SCOC: variants seen among roughly 807,000 people sequenced by gnomAD.
SCOC encodes short coiled coil protein.
Under a neutral mutation model 9.9 loss-of-function variants are expected in SCOC, and 7 were observed. The ratio of observed to expected loss-of-function variants is 0.71; its 90% CI spans 0.40 to 1.33. SCOC has a LOEUF of 1.33. Ranked by LOEUF, SCOC falls within the 40% of genes most tolerant of loss-of-function variation. The probability of loss-of-function intolerance (pLI) is 0.01; values close to 1 mark genes in which losing one functional copy is unlikely to be tolerated. For synonymous variants in SCOC, 19 were observed against 28.2 expected, an observed-to-expected ratio of 0.67 and a Z score of 1.03; for missense variants, 66 against 89.7, an observed-to-expected ratio of 0.74 and a Z score of 1.07.
intron 2 of SCOC, among the ~76,000 whole-genome samples, chr4:140,357,073 G>A (rs540614747): frequency 5.9e-4 from 90 of 152,206 alleles, no homozygotes; most frequent in African/African-American, 2.1e-3. Flanking sequence ...AGGTTCAAGC[G>A]ATTTTCCTGC....
chr4:140,337,077 A>T (rs1732977747), intron 1 of SCOC, among the ~76,000 whole-genome samples: 1 of 152,178 alleles, frequency 6.6e-6, no homozygotes, highest in Non-Finnish European at 1.5e-5. Flanking sequence ...GTGCATTTTT[A>T]AAAATTGTGT....
At chr4:140,345,158 GT>G (rs764743177) in intron 2 of SCOC, among the ~76,000 whole-genome samples, 1 of 152,310 alleles carries the variant, frequency 6.6e-6, no homozygotes, top group Admixed American at 6.5e-5. Context: ...GCCTGGACGT[GT>G]GGGCATGGGC....
At chr4:140,287,832 A>C (rs74197801) in intron 1 of SCOC, among the ~76,000 whole-genome samples, 11,851 of 152,090 alleles carry the variant, frequency 0.078, 737 homozygotes, top group East Asian at 0.28. Context: ...ATAGACACAC[A>C]CTATGCACAT....
intron 1 of SCOC, among the ~76,000 whole-genome samples, chr4:140,318,106 G>C (rs1449473532): frequency 3.3e-5 from 5 of 151,672 alleles, no homozygotes; most frequent in South Asian, 4.2e-4. Flanking sequence ...TTAAACGTTA[G>C]ACCTAAAACC....
intron 1 of SCOC, among the ~76,000 whole-genome samples, chr4:140,261,878 A>G (rs766264873): frequency 2.0e-5 from 3 of 152,130 alleles, no homozygotes; most frequent in Admixed American, 1.3e-4. Flanking sequence ...AGGGCTTGGA[A>G]GGAGGGAAAG....
chr4:140,379,294 A>T, intron 2 of SCOC, 102 bp downstream of exon 2: 1 of 838,296 alleles, frequency 1.2e-6, no homozygotes, highest in Admixed American at 2.0e-5. Context: ...GAAGACTTTG[A>T]TCTTGGCTAA....
chr4:140,269,136 C>T (rs972789430), intron 1 of SCOC, among the ~76,000 whole-genome samples: 3 of 152,148 alleles, frequency 2.0e-5, no homozygotes, highest in African/African-American at 4.8e-5. Context: ...ATTCCCTTCA[C>T]TAGACACAGG....
chr4:140,343,674 C>G (rs371077320), exon 2 of SCOC: 1 of 1,613,494 alleles, frequency 6.2e-7, no homozygotes. Flanking sequence ...AGGAAGACAG[C>G]ACATTCACCA....
chr4:140,317,139 G>A (rs1375573110), intron 1 of SCOC, among the ~76,000 whole-genome samples: 1 of 152,110 alleles, frequency 6.6e-6, no homozygotes, highest in Non-Finnish European at 1.5e-5. Flanking sequence ...CCTAAGACAG[G>A]GGACTCTCTT....
chr4:140,299,986 A>G (rs1425461991), intron 1 of SCOC, among the ~76,000 whole-genome samples: 3 of 152,166 alleles, frequency 2.0e-5, no homozygotes, highest in African/African-American at 7.2e-5. Context: ...GCAAAATCAC[A>G]TCACAGTCTT....
At chr4:140,301,453 CT>C (rs1449625602) in intron 1 of SCOC, among the ~76,000 whole-genome samples, 1 of 152,156 alleles carries the variant, frequency 6.6e-6, no homozygotes, top group Non-Finnish European at 1.5e-5. Flanking sequence ...ATTTCACAAC[CT>C]TTTTATTCAC....
At chr4:140,363,367 G>A (rs1291800631) in intron 2 of SCOC, among the ~76,000 whole-genome samples, 1 of 152,018 alleles carries the variant, frequency 6.6e-6, no homozygotes, top group African/African-American at 2.4e-5. Context: ...TAAATATAAT[G>A]GAAAATTTTT....
At chr4:140,321,669 A>C (rs1732504481) in intron 1 of SCOC, among the ~76,000 whole-genome samples, 1 of 152,246 alleles carries the variant, frequency 6.6e-6, no homozygotes, top group African/African-American at 2.4e-5. Flanking sequence ...GGAAAAAAAT[A>C]GGACAAAATC....
intron 2 of SCOC, among the ~76,000 whole-genome samples, chr4:140,353,566 A>G (rs1466951850): frequency 6.6e-6 from 1 of 152,044 alleles, no homozygotes; most frequent in Admixed American, 6.6e-5. Flanking sequence ...GCACGCCACC[A>G]CGCCCGGCTA....
At chr4:140,380,194 CTTT>C (rs993271002) in intron 3 of SCOC, among the ~76,000 whole-genome samples, 1 of 108,418 alleles carries the variant, frequency 9.2e-6, no homozygotes, top group Non-Finnish European at 1.9e-5. Context: ...TTTTCTTTTT[CTTT>C]TTTTTTTTTT....
chr4:140,259,427 A>G lies in SCOC; in HGVS notation c.-19+2017A>G, dbSNP rs547535330. On this transcript the variant is annotated intron_variant, in intron 1 of 4. Coordinates refer to the SCOC transcript ENST00000394205. ...TACTGCACATATTTTCTCTTCAAAA[A>G]TCGCCCTACAGTTGCCATTGGATTA... Among the ~76,000 whole-genome samples, 11 of 152,352 alleles carry G rather than the reference A, an allele frequency of 7.2e-5. No individual in the cohort carries two copies. In the South Asian group the frequency reaches 2.3e-3, roughly 32 times the overall value.
chr4:140,267,256 A>T (rs1222223216), intron 1 of SCOC, among the ~76,000 whole-genome samples: 1 of 152,142 alleles, frequency 6.6e-6, no homozygotes, highest in East Asian at 1.9e-4. Context: ...GATGCTGGAG[A>T]TTTGATGGGA....
chr4:140,362,141 C>CCTG (rs1386167217), intron 2 of SCOC, among the ~76,000 whole-genome samples: 1 of 105,890 alleles, frequency 9.4e-6, no homozygotes, highest in Non-Finnish European at 2.1e-5. Flanking sequence ...AAAGAGAGAG[C>CCTG]CTGGCCATAT....
chr4:140,364,580 G>C (rs1315349054), intron 2 of SCOC, among the ~76,000 whole-genome samples: 1 of 152,098 alleles, frequency 6.6e-6, no homozygotes, highest in Non-Finnish European at 1.5e-5. Flanking sequence ...AATGCAGGGG[G>C]GTTATGATCA....
Sources: allele counts gnomAD v4.1 joint callset (sites outside exome capture counted in the v4.1 genomes callset), GRCh38; gene constraint gnomAD v4.1.1; transcripts MANE v1.5; gene names NCBI Gene and HGNC (gene_info 2026-07-23, HGNC 2026-07-21).